The following EGLN1 variants were observed in gnomAD, a reference collection of about 807,000 sequenced individuals.
The protein encoded by EGLN1 is egl-9 family hypoxia inducible factor 1, also known as egl nine homolog 1.
EGLN1 carries 17 observed loss-of-function variants against 38.3 expected under a neutral mutation model. The observed-to-expected ratio is 0.44, with a 90% CI of 0.30 to 0.67. EGLN1 has a LOEUF of 0.67. Ranked by LOEUF, EGLN1 falls within the 30% of genes least tolerant of loss-of-function variation. The pLI, the probability that EGLN1 is intolerant of heterozygous loss-of-function variation, is 0.08. For missense variants in EGLN1, 477 were observed against 603.3 expected, an observed-to-expected ratio of 0.79 and a Z score of 2.19; for synonymous variants, 283 against 257.5, an observed-to-expected ratio of 1.10 and a Z score of -0.95.
At chr1:231,397,508 A>C (rs1467696220) in intron 1 of EGLN1, among the ~76,000 whole-genome samples, 1 of 152,206 alleles carries the variant, frequency 6.6e-6, no homozygotes, top group Non-Finnish European at 1.5e-5. Context: ...GAACACAGTC[A>C]AGCTCAATCT....
intron 1 of EGLN1, among the ~76,000 whole-genome samples, chr1:231,387,601 T>C (rs112289021): frequency 0.022 from 3,374 of 152,120 alleles, 79 homozygotes; most frequent in African/African-American, 0.053. Flanking sequence ...CCTCATGATC[T>C]GCCCGCCTCG....
chr1:231,372,280 G>A lies in EGLN1; in HGVS notation c.1012-1582C>T, dbSNP rs988098611. On this transcript the variant is annotated intron_variant, in intron 2 of 4. Transcript: ENST00000366641. Reference sequence around the variant, plus strand: ...CCTAAGCTCTGCCAGGGCTAATTCCGTTTCTGCTACATCCCTAGCATCCAG... The same window carrying A: ...CCTAAGCTCTGCCAGGGCTAATTCCATTTCTGCTACATCCCTAGCATCCAG... Among the ~76,000 whole-genome samples, 18 of 152,282 alleles carry A rather than the reference G, an allele frequency of 1.2e-4. 1 individual carries two copies. The highest frequency in any genetic ancestry group is 6.8e-3 in the Middle Eastern group (2 of 294).
At chr1:231,402,201 A>G (rs1296072804) in intron 1 of EGLN1, among the ~76,000 whole-genome samples, 1 of 152,102 alleles carries the variant, frequency 6.6e-6, no homozygotes, top group East Asian at 1.9e-4. Context: ...ACATTCTGAT[A>G]CAAGTCTTCT....
intron 1 of EGLN1, among the ~76,000 whole-genome samples, chr1:231,374,418 A>AT: frequency 6.6e-6 from 1 of 152,188 alleles, no homozygotes; most frequent in Non-Finnish European, 1.5e-5. Context: ...TCCATGGGAG[A>AT]TTTCAATCTT....
chr1:231,396,073 C>T (rs1688521020), intron 1 of EGLN1, among the ~76,000 whole-genome samples: 1 of 150,860 alleles, frequency 6.6e-6, no homozygotes, highest in South Asian at 2.1e-4. Context: ...TCTTTTAGTT[C>T]CAATCCTAAT....
intron 1 of EGLN1, among the ~76,000 whole-genome samples, chr1:231,413,718 G>A (rs1028444888): frequency 1.1e-4 from 16 of 152,134 alleles, no homozygotes; most frequent in African/African-American, 3.6e-4. Flanking sequence ...GCCTGTATGT[G>A]CAGGGTACTC....
intron 1 of EGLN1, among the ~76,000 whole-genome samples, chr1:231,379,334 T>C (rs970367431): frequency 1.3e-5 from 2 of 152,152 alleles, no homozygotes; most frequent in African/African-American, 2.4e-5. Context: ...CCTCGATAGG[T>C]TCTTGGAAAC....
intron 1 of EGLN1, among the ~76,000 whole-genome samples, chr1:231,394,827 T>A (rs1222312789): frequency 6.6e-6 from 1 of 152,144 alleles, no homozygotes; most frequent in African/African-American, 2.4e-5. Flanking sequence ...CCTTGTCATC[T>A]CATTTCCCTC....
At position 231,364,110 on chromosome 1, in the gene EGLN1, A is replaced by G. The variant is rs1031800682; in HGVS notation, c.*2301T>C. On this transcript the variant is annotated 3_prime_UTR_variant, in exon 5 of 5. Transcript: ENST00000366641. ...GCCATCCTGATTTCTTGATCTTTTC[A>G]CAATGATTCCTAAGAGAGTATATAA... 1 of 152,242 alleles carries G rather than the reference A, an allele frequency of 6.6e-6. No homozygotes were observed. The allele number at this position is 152,242 out of a possible 1,614,324, so 9.4% of individuals were successfully genotyped here.
At chr1:231,369,966 C>A (rs1044602124) in intron 3 of EGLN1, among the ~76,000 whole-genome samples, 2 of 152,052 alleles carry the variant, frequency 1.3e-5, no homozygotes, top group Admixed American at 6.6e-5. Flanking sequence ...AAATAAAGCA[C>A]TAAATATAAT....
intron 1 of EGLN1, among the ~76,000 whole-genome samples, chr1:231,396,164 T>C (rs1426581785): frequency 5.9e-5 from 9 of 152,068 alleles, no homozygotes; most frequent in South Asian, 2.1e-4. Context: ...CCCCGTCTTC[T>C]GGTTTTCTTC....
At chr1:231,414,090 T>G (rs1024931077) in intron 1 of EGLN1, among the ~76,000 whole-genome samples, 1 of 152,044 alleles carries the variant, frequency 6.6e-6, no homozygotes, top group East Asian at 1.9e-4. Context: ...GAGATTTAGC[T>G]GAAATAAAAG....
intron 1 of EGLN1, chr1:231,420,436 T>G: frequency 1.8e-5 from 3 of 162,990 alleles, no homozygotes; most frequent in Admixed American, 5.8e-5. Context: ...GGGAGGGGAG[T>G]AGCCAAGCTC....
At chr1:231,382,917 G>A (rs912660542) in intron 1 of EGLN1, among the ~76,000 whole-genome samples, 1 of 152,056 alleles carries the variant, frequency 6.6e-6, no homozygotes, top group Middle Eastern at 3.4e-3. Context: ...AATCACCCAG[G>A]TGGGGTGGCA....
chr1:231,379,756 C>T (rs926304925), intron 1 of EGLN1, among the ~76,000 whole-genome samples: 1 of 152,212 alleles, frequency 6.6e-6, no homozygotes, highest in African/African-American at 2.4e-5. Flanking sequence ...ATGGGGAGAA[C>T]TTGCATGCTC....
chr1:231,420,951 C>T, intron 1 of EGLN1, 47 bp downstream of exon 1: 2 of 1,613,750 alleles, frequency 1.2e-6, no homozygotes, highest in Non-Finnish European at 8.5e-7. Context: ...GCAGGGGCTG[C>T]CCGCCGAGAA....
At chr1:231,415,916 C>T (rs1478489371) in intron 1 of EGLN1, among the ~76,000 whole-genome samples, 3 of 151,966 alleles carry the variant, frequency 2.0e-5, no homozygotes, top group African/African-American at 4.8e-5. Flanking sequence ...GGCACAATCC[C>T]GGCTCACTGC....
chr1:231,405,695 C>G (rs943176969), intron 1 of EGLN1, among the ~76,000 whole-genome samples: 1 of 151,978 alleles, frequency 6.6e-6, no homozygotes, highest in South Asian at 2.1e-4. Flanking sequence ...TCTTCCCCAC[C>G]CCACACTACT....
chr1:231,403,679 G>A (rs963360353), intron 1 of EGLN1, among the ~76,000 whole-genome samples: 3 of 150,338 alleles, frequency 2.0e-5, no homozygotes, highest in African/African-American at 7.4e-5. Context: ...GGGAGGCTGA[G>A]GCAGGAGAAT....
Sources: allele counts gnomAD v4.1 joint callset (sites outside exome capture counted in the v4.1 genomes callset), GRCh38; gene constraint gnomAD v4.1.1; transcripts MANE v1.5; gene names NCBI Gene and HGNC (gene_info 2026-07-23, HGNC 2026-07-21).